The following CPNE3 variants were observed in gnomAD, a reference collection of about 807,000 sequenced individuals.
CPNE3 encodes the protein copine 3, also known as copine-3.
In CPNE3, 68 loss-of-function variants were observed where a neutral mutation model predicts 63.9. The ratio of observed to expected loss-of-function variants is 1.06; its 90% CI spans 0.87 to 1.30. The LOEUF is 1.30. Ranked by LOEUF, CPNE3 falls within the 50% of genes most tolerant of loss-of-function variation. The pLI is 0.00. For missense variants in CPNE3, 665 were observed against 578.1 expected (o/e 1.15, Z -1.54); for synonymous variants, 219 against 197.5 (o/e 1.11, Z -0.91).
chr8:86,536,044 A>G (rs932823479), intron 6 of CPNE3, among the ~76,000 whole-genome samples: 2 of 152,080 alleles, frequency 1.3e-5, no homozygotes, highest in South Asian at 2.1e-4. Context: ...AAAAATTTAC[A>G]TGGCTCTAAA....
intron 2 of CPNE3, among the ~76,000 whole-genome samples, chr8:86,518,841 C>T (rs1318016886): frequency 2.0e-5 from 3 of 152,016 alleles, no homozygotes; most frequent in Non-Finnish European, 2.9e-5. Flanking sequence ...GGCATGATCT[C>T]GGCTCACTGC....
intron 2 of CPNE3, among the ~76,000 whole-genome samples, chr8:86,522,907 C>T (rs1820466445): frequency 6.6e-6 from 1 of 152,174 alleles, no homozygotes; most frequent in African/African-American, 2.4e-5. Flanking sequence ...CTGACATGAG[C>T]CTGCGCTCCC....
chr8:86,546,488 C>T, intron 9 of CPNE3, 107 bp from the exon 10 acceptor site: 1 of 1,058,462 alleles, frequency 9.4e-7, no homozygotes, highest in Non-Finnish European at 1.4e-6. Context: ...AGACCTACAT[C>T]AGTAGGTAGT....
At chr8:86,550,446 A>G (rs1821148769) in intron 12 of CPNE3, among the ~76,000 whole-genome samples, 1 of 152,166 alleles carries the variant, frequency 6.6e-6, no homozygotes, top group Non-Finnish European at 1.5e-5. Flanking sequence ...TATGAAAGGA[A>G]TATTCCTCGT....
At chr8:86,552,837 ATT>A (rs531932518) in intron 14 of CPNE3, among the ~76,000 whole-genome samples, 6 of 116,480 alleles carry the variant, frequency 5.2e-5, no homozygotes, top group Admixed American at 1.0e-4. Context: ...ATTATTATTA[ATT>A]TTTTTTTTTT....
chr8:86,545,661 G>A (rs1475141818), intron 9 of CPNE3, among the ~76,000 whole-genome samples: 3 of 151,976 alleles, frequency 2.0e-5, no homozygotes, highest in Non-Finnish European at 2.9e-5. Context: ...ATTATACCAC[G>A]TGTATTTTTT....
intron 1 of CPNE3, among the ~76,000 whole-genome samples, chr8:86,514,952 G>A (rs7835167): frequency 0.05 from 7,654 of 152,308 alleles, 306 homozygotes; most frequent in African/African-American, 0.098. Flanking sequence ...AATCGCTGCA[G>A]CACCACGCGG....
At chr8:86,558,249 A>G in intron 16 of CPNE3, 39 bp from the exon 17 acceptor site, 1 of 872,002 alleles carries the variant, frequency 1.1e-6, no homozygotes, top group South Asian at 1.3e-5. Flanking sequence ...AGGAAAATTC[A>G]GTTGCTAATA....
At chr8:86,554,212 T>G (rs532584713) in intron 14 of CPNE3, 9 of 152,234 alleles carry the variant, frequency 5.9e-5, no homozygotes, top group Non-Finnish European at 1.3e-4. Flanking sequence ...AATGGTCCTG[T>G]CCAACTTTCT....
Position 86,556,341 on chromosome 8 carries a change from G to A in CPNE3, c.1491+3G>A, listed in dbSNP as rs772608569. 3.1e-5 allele frequency: 27 copies of A among 872,790 alleles called. No homozygotes were observed. The East Asian group carries it at 5.3e-4, about 17-fold the overall frequency. 54.1% of individuals were successfully genotyped at this position (872,790 alleles called of 1,614,324 possible). On this transcript the variant is annotated splice_donor_region_variant and intron_variant, in intron 16 of 16. Transcript: ENST00000517490. Reference sequence around the variant, plus strand: ...TGCCTTTCAGACAGTTCCAGAATGTGAGTACCACTCCTCCCTACTCAAACA... The same window carrying A: ...TGCCTTTCAGACAGTTCCAGAATGTAAGTACCACTCCTCCCTACTCAAACA...
At chr8:86,556,954 C>T (rs940366402) in intron 16 of CPNE3, among the ~76,000 whole-genome samples, 8 of 152,126 alleles carry the variant, frequency 5.3e-5, no homozygotes, top group African/African-American at 1.9e-4. Context: ...TTCCACTCAG[C>T]ATCACTCTCG....
Position 86,556,252 on chromosome 8 carries a change from G to A in CPNE3, c.1405G>A (p.Gly469Ser), listed in dbSNP as rs1418209890. Residue 469 changes from glycine to serine, a missense_variant, in exon 16 of 17, where the codon GGT becomes AGT. Coordinates refer to ENST00000517490, the MANE Select transcript of CPNE3 (RefSeq NM_003909.5). ...ADFSAMEFLD[G>S]DGGSLRSPLG... is the part of the protein sequence containing the mutation. ...CTTCAGCGCCATGGAGTTTCTGGAT[G>A]GTGATGGTGGAAGTCTCCGCTCCCC... The A allele has an allele frequency of 1.1e-6, 1 of 873,016 alleles. No individual in the cohort carries two copies. The allele number at this position is 873,016 out of a possible 1,614,324, so 54.1% of individuals were successfully genotyped here. A position where few individuals can be genotyped will look rare whatever the true frequency, so the allele number is the denominator to read the frequency against.
chr8:86,546,726 T>C, intron 10 of CPNE3, 45 bp downstream of exon 10: 2 of 1,565,026 alleles, frequency 1.3e-6, no homozygotes, highest in Non-Finnish European at 1.7e-6. Context: ...TATTTATTCT[T>C]TTTGAGCTGG....
At position 86,540,293 on chromosome 8, in the gene CPNE3, CTT is replaced by C; in HGVS notation, c.593_594del (p.Leu198GlnfsTer13). ...NPVWRPFKIS[L>X]NSLCYGDMDK... ...TGTTTGGAGGCCTTTCAAGATCTCT[CTT>C]AACTCACTGTGTTACGGAGATATGG... is the stretch of plus-strand genomic sequence containing the variant. On this transcript the variant is annotated frameshift_variant, in exon 8 of 17. Coordinates refer to ENST00000517490, the MANE Select transcript of CPNE3 (RefSeq NM_003909.5). LOFTEE classifies it high-confidence loss of function. 1 of 1,603,366 alleles carries C rather than the reference CTT, an allele frequency of 6.2e-7. No individual in the cohort carries two copies. Among genetic ancestry groups the C allele is most frequent in the Admixed American group, 1.7e-5 (1 of 58,208 alleles).
intron 8 of CPNE3, among the ~76,000 whole-genome samples, chr8:86,542,746 C>A (rs1820969868): frequency 6.6e-6 from 1 of 152,010 alleles, no homozygotes; most frequent in African/African-American, 2.4e-5. Context: ...CATACCGTAT[C>A]TGAACATATG....
chr8:86,553,593 A>G (rs567341329), intron 14 of CPNE3, among the ~76,000 whole-genome samples: 3 of 152,308 alleles, frequency 2.0e-5, no homozygotes, highest in East Asian at 1.9e-4. Flanking sequence ...AGTATACTCT[A>G]TGATGTTCAT....
chr8:86,516,349 A>AT (rs1820311279), intron 2 of CPNE3, among the ~76,000 whole-genome samples: 1 of 152,290 alleles, frequency 6.6e-6, no homozygotes, highest in East Asian at 1.9e-4. Context: ...ACCTCTTCTA[A>AT]TTTTACCTAT....
chr8:86,559,048 A>C lies in CPNE3; in HGVS notation c.*638A>C, dbSNP rs975794567. 1 of 152,234 alleles carries C rather than the reference A, an allele frequency of 6.6e-6. No individual in the cohort carries two copies. Among genetic ancestry groups the C allele is most frequent in the Non-Finnish European group, 1.5e-5 (1 of 68,036 alleles). The allele number at this position is 152,234 out of a possible 1,614,324, so 9.4% of individuals were successfully genotyped here. ...CACATACTCAGTTTTTTAAATGTAC[A>C]ATCAACAAGTAAAAATAACCTCATG... On this transcript the variant is annotated 3_prime_UTR_variant, in exon 17 of 17. Coordinates refer to ENST00000517490, the MANE Select transcript of CPNE3 (RefSeq NM_003909.5).
At chr8:86,539,061 A>C (rs1820869108) in intron 7 of CPNE3, among the ~76,000 whole-genome samples, 1 of 152,168 alleles carries the variant, frequency 6.6e-6, no homozygotes, top group African/African-American at 2.4e-5. Flanking sequence ...TTATATTAGC[A>C]GGCATTCCTC....
Sources: allele counts gnomAD v4.1 joint callset (sites outside exome capture counted in the v4.1 genomes callset), GRCh38; gene constraint gnomAD v4.1.1; transcripts MANE v1.5; gene names NCBI Gene and HGNC (gene_info 2026-07-23, HGNC 2026-07-21).